The following SPTAN1 variants were observed in gnomAD, a reference collection of about 807,000 sequenced individuals.
The protein encoded by SPTAN1 is spectrin alpha chain, non-erythrocytic 1.
SPTAN1 carries 61 observed loss-of-function variants against 331.3 expected under a neutral mutation model. The observed-to-expected ratio is 0.18, with a 90% CI of 0.15 to 0.23. The LOEUF is 0.23. SPTAN1 is among the 10% of genes least tolerant of loss of function. The pLI is 1.00. For missense variants in SPTAN1, 2,043 were observed against 3,147.9 expected, an observed-to-expected ratio of 0.65 and a Z score of 8.40; for synonymous variants, 1,153 against 1,173.9, an observed-to-expected ratio of 0.98 and a Z score of 0.36.
intron 29 of SPTAN1, 100 bp from the exon 30 acceptor site, chr9:128,604,934 G>GTAAATAAA (rs544418154): frequency 3.5e-5 from 43 of 1,229,636 alleles, no homozygotes; most frequent in Middle Eastern, 2.8e-4. Flanking sequence ...CTCCATCTCA[G>GTAAATAAA]TAAATAAATA....
chr9:128,600,247 T>C, intron 27 of SPTAN1, 132 bp downstream of exon 27: 2 of 953,176 alleles, frequency 2.1e-6, no homozygotes, highest in South Asian at 2.7e-5. Flanking sequence ...TGGGCTGGTT[T>C]CTTTCTGAAT....
At chr9:128,567,459 T>G (rs913144249) in intron 2 of SPTAN1, among the ~76,000 whole-genome samples, 1 of 151,828 alleles carries the variant, frequency 6.6e-6, no homozygotes, top group Admixed American at 6.6e-5. Context: ...GCCCAGCTAA[T>G]TTTTGTATTT....
At chr9:128,601,155 G>A (rs1855099430) in intron 27 of SPTAN1, among the ~76,000 whole-genome samples, 2 of 150,768 alleles carry the variant, frequency 1.3e-5, no homozygotes, top group Admixed American at 1.3e-4. Flanking sequence ...CCTAATTTTT[G>A]TATGTTCAGA....
At position 128,583,870 on chromosome 9, in the gene SPTAN1, A is replaced by C. The variant is rs1554746116; in HGVS notation, c.2094A>C (p.Glu698Asp). The change falls in exon 16 of 57, where the codon GAA becomes GAC. Residue 698 changes from glutamate (E) to aspartate (D), a missense_variant. By Grantham distance (45) the Glu-to-Asp change is conservative (BLOSUM62 2). This residue lies in a region of SPTAN1 where 1,038 missense variants were observed against 1,531.5 expected (regional missense o/e 0.68). Coordinates refer to ENST00000372739, the MANE Select transcript of SPTAN1 (RefSeq NM_001130438.3). The stretch of plus-strand genomic sequence containing the variant: ...TTGAATTGTGGCTATATGAAGTAGA[A>C]GGTCACTTGGCTTCGGATGATTACG... ...EDIELWLYEV[E>D]GHLASDDYGK... The C allele has an allele frequency of 1.2e-6, 2 of 1,614,238 alleles. No individual in the cohort carries two copies. Among genetic ancestry groups the C allele is most frequent in the Non-Finnish European group, 1.7e-6 (2 of 1,180,048 alleles).
At chr9:128,619,330 CACAG>C (rs2131823929) in intron 44 of SPTAN1, among the ~76,000 whole-genome samples, 1 of 152,308 alleles carries the variant, frequency 6.6e-6, no homozygotes, top group East Asian at 1.9e-4. Flanking sequence ...AACGGAGTAC[CACAG>C]ACAGAGTGGC....
intron 1 of SPTAN1, among the ~76,000 whole-genome samples, chr9:128,554,697 TAGA>T (rs1338628779): frequency 1.3e-5 from 2 of 152,202 alleles, no homozygotes; most frequent in African/African-American, 4.8e-5. Context: ...GGCTGTACTG[TAGA>T]AGAATGCAAC....
rs3750333 is a variant in SPTAN1, at chr9:128,617,719, C to A, written c.5437C>A (p.Arg1813=). 29,344 of 1,614,074 alleles carry A rather than the reference C, an allele frequency of 0.018. 447 individuals carry two copies. The highest frequency in any genetic ancestry group is 0.089 in the East Asian group (3,997 of 44,884). Reference sequence around the variant, plus strand: ...GCAGAACCTGAGGAAGAAGCACAAGCGGCTGGAAGCAGAACTGGCTGCGCA... The same window carrying A: ...GCAGAACCTGAGGAAGAAGCACAAGAGGCTGGAAGCAGAACTGGCTGCGCA... ...GVQNLRKKHK[R]LEAELAAHEP... is the part of the protein sequence containing the mutation. Residue 1813 remains arginine, a synonymous_variant, in exon 42 of 57, where the codon CGG becomes AGG. Coordinates refer to ENST00000372739, the MANE Select transcript of SPTAN1 (RefSeq NM_001130438.3).
At chr9:128,561,509 A>T (rs1368720196) in intron 1 of SPTAN1, among the ~76,000 whole-genome samples, 1 of 150,454 alleles carries the variant, frequency 6.6e-6, no homozygotes, top group African/African-American at 2.4e-5. Context: ...TAAAAATACA[A>T]AAAATTAGCC....
chr9:128,588,877 G>C lies in SPTAN1; in HGVS notation c.2940G>C (p.Glu980Asp), dbSNP rs886063503. 1 of 1,614,158 alleles carries C rather than the reference G, an allele frequency of 6.2e-7. No individual in the cohort carries two copies. Among genetic ancestry groups the C allele is most frequent in the Non-Finnish European group, 8.5e-7 (1 of 1,180,024 alleles). ...ELVLALYDYQEKSPREVTMKK... is the reference protein window; with the variant it reads ...ELVLALYDYQDKSPREVTMKK... ...TCTTGGCTCTCTACGACTATCAGGAGAAGAGTCCCCGAGAGGTCACCATGA... is the reference window on the plus strand; with the variant it reads ...TCTTGGCTCTCTACGACTATCAGGACAAGAGTCCCCGAGAGGTCACCATGA... The change falls in exon 21 of 57, where the codon GAG becomes GAC. Residue 980 changes from glutamate (E) to aspartate (D), a missense_variant. Physicochemically the swap from Glu to Asp is conservative, Grantham distance 45. Around this residue, in one of 12 missense-constraint regions of SPTAN1, gnomAD observed 1,038 missense variants for 1,531.5 expected, o/e 0.68. Coordinates refer to ENST00000372739, the MANE Select transcript of SPTAN1 (RefSeq NM_001130438.3).
At chr9:128,554,649 A>G (rs1020367718) in intron 1 of SPTAN1, among the ~76,000 whole-genome samples, 1 of 152,186 alleles carries the variant, frequency 6.6e-6, no homozygotes, top group African/African-American at 2.4e-5. Context: ...CAGGGATCCC[A>G]CTAGTTACGC....
intron 1 of SPTAN1, among the ~76,000 whole-genome samples, chr9:128,563,142 G>A (rs554518701): frequency 1.2e-3 from 178 of 151,906 alleles, no homozygotes; most frequent in African/African-American, 4.0e-3. Context: ...ATAGGCCAGT[G>A]CAGTGGCTCA....
Position 128,577,069 on chromosome 9 carries a change from G to T in SPTAN1, c.786-60G>T. The T allele has an allele frequency of 9.9e-6, 16 of 1,613,980 alleles. No individual in the cohort carries two copies. The highest frequency in any genetic ancestry group is 1.4e-5 in the Non-Finnish European group (16 of 1,179,990). On this transcript the variant is annotated intron_variant, in intron 6 of 56. Transcript: ENST00000372739. The surrounding 1 kb of genome is among the most constrained non-coding windows in gnomAD (Gnocchi z 4.2). ...GCTGACTAGGCCTTGGTCCCATGGG[G>T]TGTTCCTAGTTCTAGGGAGTCATCA...
intron 2 of SPTAN1, 106 bp from the exon 3 acceptor site, chr9:128,568,666 A>T (rs1392228633): frequency 2.7e-6 from 4 of 1,490,736 alleles, no homozygotes; most frequent in Non-Finnish European, 3.7e-6. Context: ...TGTATCCCTA[A>T]CTAGAGGGAG....
At chr9:128,557,417 G>A (rs1848758671) in intron 1 of SPTAN1, among the ~76,000 whole-genome samples, 1 of 152,194 alleles carries the variant, frequency 6.6e-6, no homozygotes, top group Non-Finnish European at 1.5e-5. Context: ...AGAGTCCAGA[G>A]CATTTGACCT....
At position 128,590,390 on chromosome 9, in the gene SPTAN1, G is replaced by A. The variant is rs562574544; in HGVS notation, c.3007-1087G>A. 3.3e-5 allele frequency among the ~76,000 whole-genome samples: 5 copies of A among 152,092 alleles called. No homozygotes were observed. In the East Asian group the frequency reaches 7.7e-4, roughly 24 times the overall value. On this transcript the variant is annotated intron_variant, in intron 21 of 56. Coordinates refer to ENST00000372739, the MANE Select transcript of SPTAN1 (RefSeq NM_001130438.3). ...CTTAAAATATGGCTAGTACAACTGG[G>A]TGTTTTATTTAATTAAATTATAACT...
chr9:128,606,485 A>T (rs544570655), intron 31 of SPTAN1, among the ~76,000 whole-genome samples: 1,073 of 30,848 alleles, frequency 0.035, 22 homozygotes, highest in East Asian at 0.24. Flanking sequence ...ATATATATAT[A>T]TATTTTTTTT....
At chr9:128,606,304 G>A (rs1855839682) in intron 31 of SPTAN1, among the ~76,000 whole-genome samples, 1 of 142,396 alleles carries the variant, frequency 7.0e-6, no homozygotes, top group South Asian at 2.4e-4. Context: ...TGAACCTGGA[G>A]GCGGAGGTTG....
At chr9:128,626,184 C>A in intron 48 of SPTAN1, 2 of 892,436 alleles carry the variant, frequency 2.2e-6, no homozygotes, top group East Asian at 2.5e-5. Context: ...GCAGGACAGA[C>A]TAGAGACAAG....
At chr9:128,632,407 C>G in intron 53 of SPTAN1, 24 bp from the exon 54 acceptor site, 3 of 1,613,944 alleles carry the variant, frequency 1.9e-6, no homozygotes, top group Non-Finnish European at 2.5e-6. Flanking sequence ...AGGGTCTGTT[C>G]CCTAATTTCT....
Sources: allele counts gnomAD v4.1 joint callset (sites outside exome capture counted in the v4.1 genomes callset), GRCh38; gene constraint gnomAD v4.1.1; regional missense constraint gnomAD v4.1.1; non-coding constraint Gnocchi (gnomAD v3.1); transcripts MANE v1.5; gene names NCBI Gene and HGNC (gene_info 2026-07-23, HGNC 2026-07-21).